The following ZMIZ1 variants were observed in gnomAD, a reference collection of about 807,000 sequenced individuals.
ZMIZ1 encodes zinc finger MIZ-type containing 1.
ZMIZ1 carries 17 observed loss-of-function variants against 113.9 expected under a neutral mutation model. The ratio of observed to expected loss-of-function variants is 0.15; its 90% confidence interval spans 0.10 to 0.22. The LOEUF (loss-of-function observed/expected upper bound fraction) is 0.22, where lower values mean the gene tolerates loss of function less well. Ranked by LOEUF, ZMIZ1 falls within the 10% of genes least tolerant of loss-of-function variation. ZMIZ1 has a pLI of 1.00. For synonymous variants in ZMIZ1, 607 were observed against 603.1 expected (o/e 1.01, Z -0.09); for missense variants, 1,059 against 1,477.8 (o/e 0.72, Z 4.65).
At chr10:79,160,375 C>A (rs2132488179) in intron 3 of ZMIZ1, among the ~76,000 whole-genome samples, 1 of 152,340 alleles carries the variant, frequency 6.6e-6, no homozygotes, top group Non-Finnish European at 1.5e-5. Flanking sequence ...AGGGTTCCAG[C>A]ACTCATGGAG....
intron 4 of ZMIZ1, among the ~76,000 whole-genome samples, chr10:79,185,236 G>GC (rs150838579): frequency 6.6e-6 from 1 of 151,960 alleles, no homozygotes; most frequent in Non-Finnish European, 1.5e-5. Flanking sequence ...CTGTTAAGAC[G>GC]CCCCCCTCCC....
At chr10:79,278,508 G>C (rs1440711479) in intron 8 of ZMIZ1, among the ~76,000 whole-genome samples, 1 of 151,730 alleles carries the variant, frequency 6.6e-6, no homozygotes, top group East Asian at 1.9e-4. Context: ...CAGGGTCATA[G>C]GACAATAGTG....
intron 7 of ZMIZ1, among the ~76,000 whole-genome samples, chr10:79,261,466 C>T (rs547425385): frequency 6.6e-6 from 1 of 152,218 alleles, no homozygotes; most frequent in Non-Finnish European, 1.5e-5. Flanking sequence ...AATGACGGCT[C>T]CCTCCCCCAG....
chr10:79,077,926 C>T (rs899512649), intron 1 of ZMIZ1, among the ~76,000 whole-genome samples: 4 of 152,190 alleles, frequency 2.6e-5, no homozygotes, highest in African/African-American at 7.2e-5. Flanking sequence ...ACGGTGAAGT[C>T]GATTGCCCAG....
chr10:79,228,341 A>G (rs1282638225), intron 7 of ZMIZ1, among the ~76,000 whole-genome samples: 1 of 152,220 alleles, frequency 6.6e-6, no homozygotes, highest in Non-Finnish European at 1.5e-5. Flanking sequence ...CTCTGAGTGG[A>G]TGGATGTGTG....
At chr10:79,297,791 C>A in intron 14 of ZMIZ1, 101 bp downstream of exon 14, 1 of 1,048,010 alleles carries the variant, frequency 9.5e-7, no homozygotes, top group Non-Finnish European at 1.4e-6. Context: ...TTCAAAGGGG[C>A]CCATGGGTGG....
At chr10:79,197,268 C>A (rs1427189911) in intron 4 of ZMIZ1, among the ~76,000 whole-genome samples, 1 of 152,162 alleles carries the variant, frequency 6.6e-6, no homozygotes, top group East Asian at 1.9e-4. Flanking sequence ...TCACCCATGC[C>A]CCCACGTGGG....
At chr10:79,132,404 C>T (rs1844811199) in intron 2 of ZMIZ1, among the ~76,000 whole-genome samples, 1 of 152,198 alleles carries the variant, frequency 6.6e-6, no homozygotes, top group Non-Finnish European at 1.5e-5. Flanking sequence ...CAGGTGTCTC[C>T]ACTCAGCTGC....
At chr10:79,215,552 G>C (rs910511205) in intron 6 of ZMIZ1, among the ~76,000 whole-genome samples, 9 of 152,178 alleles carry the variant, frequency 5.9e-5, no homozygotes, top group African/African-American at 1.9e-4. Flanking sequence ...ACCTGCCTCA[G>C]CCTCCCAAAG....
chr10:79,192,510 G>A (rs1488230946), intron 4 of ZMIZ1, among the ~76,000 whole-genome samples: 1 of 152,222 alleles, frequency 6.6e-6, no homozygotes, highest in Non-Finnish European at 1.5e-5. Context: ...GAAGCTTTGA[G>A]TGCCAAGCCA....
intron 2 of ZMIZ1, among the ~76,000 whole-genome samples, chr10:79,124,562 T>C (rs1844433657): frequency 6.6e-6 from 1 of 152,216 alleles, no homozygotes; most frequent in Admixed American, 6.5e-5. Context: ...TAGGCCCTGG[T>C]ATCCAATAGT....
chr10:79,261,164 C>G (rs568948020), intron 7 of ZMIZ1, among the ~76,000 whole-genome samples: 1 of 152,216 alleles, frequency 6.6e-6, no homozygotes, highest in African/African-American at 2.4e-5. Context: ...TCATGAAAGA[C>G]CCTGTGGCCC....
At chr10:79,070,646 C>T (rs1842239870) in intron 1 of ZMIZ1, among the ~76,000 whole-genome samples, 1 of 152,108 alleles carries the variant, frequency 6.6e-6, no homozygotes. Context: ...CACCTCGTCC[C>T]TCCAGCAGGT....
chr10:79,207,940 G>A (rs1376187434), intron 5 of ZMIZ1, among the ~76,000 whole-genome samples: 10 of 151,146 alleles, frequency 6.6e-5, no homozygotes, highest in East Asian at 2.0e-4. Flanking sequence ...ATCACCTTCC[G>A]CCACCCCCAC....
chr10:79,080,481 G>A (rs1401341049), intron 1 of ZMIZ1, among the ~76,000 whole-genome samples: 1 of 151,930 alleles, frequency 6.6e-6, no homozygotes, highest in Non-Finnish European at 1.5e-5. Flanking sequence ...GCTGATTTTT[G>A]TATTTTTAGT....
chr10:79,077,605 A>G (rs950291637), intron 1 of ZMIZ1, among the ~76,000 whole-genome samples: 7 of 152,202 alleles, frequency 4.6e-5, no homozygotes, highest in African/African-American at 1.4e-4. Context: ...CATAAATATA[A>G]TAGCCAGCAT....
rs538931942 is a variant in ZMIZ1 at position 79,314,466 on chromosome 10, C to T, written c.*1717C>T. 70 of 342,538 alleles carry T rather than the reference C, an allele frequency of 2.0e-4. No individual in the cohort carries two copies. The highest frequency in any genetic ancestry group is 1.4e-3 in the African/African-American group (66 of 46,634). 21.2% of individuals were successfully genotyped at this position (342,538 alleles called of 1,614,324 possible). A position where few individuals can be genotyped will look rare whatever the true frequency, so the allele number is the denominator to read the frequency against. On this transcript the variant is annotated 3_prime_UTR_variant, in exon 25 of 25. Coordinates refer to ENST00000334512, the MANE Select transcript of ZMIZ1 (RefSeq NM_020338.4). ...TTTTCTGTAGGAAAGCTGCCATTGC[C>T]CCGGCCCCTTTTCTTCCTTTGTCCC...
intron 6 of ZMIZ1, among the ~76,000 whole-genome samples, chr10:79,211,111 G>A (rs1023238130): frequency 2.4e-4 from 37 of 152,182 alleles, no homozygotes; most frequent in African/African-American, 8.2e-4. Context: ...GCTTGGTGGC[G>A]GGTAGTGGGG....
At chr10:79,288,661 C>T (rs1235024038) in intron 8 of ZMIZ1, among the ~76,000 whole-genome samples, 1 of 152,174 alleles carries the variant, frequency 6.6e-6, no homozygotes, top group East Asian at 1.9e-4. Context: ...GCCAGAGAGC[C>T]AGTGCCGGCT....
Sources: gnomAD v4.1 joint callset for allele counts (sites outside exome capture counted in the v4.1 genomes callset) on GRCh38, gnomAD v4.1.1 for gene constraint, MANE v1.5 for transcripts, NCBI Gene and HGNC (gene_info 2026-07-23, HGNC 2026-07-21) for gene names.